The following ARHGAP24 variants were observed in gnomAD, a reference collection of about 807,000 sequenced individuals.
The protein encoded by ARHGAP24 is Rho GTPase activating protein 24, also known as rho GTPase-activating protein 24.
A neutral mutation model predicts 76.4 loss-of-function variants in ARHGAP24; 50 were observed. The ratio of observed to expected loss-of-function variants is 0.65; its 90% CI spans 0.52 to 0.83. The LOEUF (loss-of-function observed/expected upper bound fraction) is 0.83, where lower values mean the gene tolerates loss of function less well. Ranked by LOEUF, ARHGAP24 falls within the 40% of genes least tolerant of loss-of-function variation. The probability of loss-of-function intolerance (pLI) is 0.00; values close to 1 mark genes in which losing one functional copy is unlikely to be tolerated. For synonymous variants in ARHGAP24, 345 were observed against 323.3 expected (o/e 1.07, Z -0.72); for missense variants, 930 against 914.2 (o/e 1.02, Z -0.22).
intron 3 of ARHGAP24, among the ~76,000 whole-genome samples, chr4:85,890,529 C>T (rs1403197811): frequency 1.3e-5 from 2 of 152,196 alleles, no homozygotes; most frequent in Non-Finnish European, 2.9e-5. Flanking sequence ...TGGCTAGTAT[C>T]TTGAGGAAAA....
Position 85,570,517 on chromosome 4 carries a change from A to G in ARHGAP24, c.-20-5A>G. The G allele has an allele frequency of 6.2e-7, 1 of 1,612,618 alleles. No homozygotes were observed. The highest frequency in any genetic ancestry group is 8.5e-7 in the Non-Finnish European group (1 of 1,179,596). ...TATTTTCCTTTCTTTTTGTTTGCTA[A>G]CTAGGAAAGTCCATCAGCTTGATAA... On this transcript the variant is annotated splice_region_variant and splice_polypyrimidine_tract_variant and intron_variant, in intron 1 of 9. Transcript: ENST00000395184.
intron 1 of ARHGAP24, among the ~76,000 whole-genome samples, chr4:85,561,501 C>A (rs1455153397): frequency 1.0e-4 from 15 of 145,480 alleles, no homozygotes; most frequent in Non-Finnish European, 1.4e-4. Context: ...TGAGAAAACT[C>A]ATCTGTTTTC....
At chr4:85,903,128 G>A (rs560290724) in intron 3 of ARHGAP24, among the ~76,000 whole-genome samples, 190 of 152,288 alleles carry the variant, frequency 1.2e-3, no homozygotes, top group African/African-American at 4.2e-3. Flanking sequence ...AAGATCAAAA[G>A]CACTGTGTTG....
intron 8 of ARHGAP24, among the ~76,000 whole-genome samples, chr4:85,986,476 G>A (rs1740004399): frequency 6.6e-6 from 1 of 151,966 alleles, no homozygotes; most frequent in Non-Finnish European, 1.5e-5. Flanking sequence ...ACAAATGAGG[G>A]GAACCCAGTT....
intron 3 of ARHGAP24, among the ~76,000 whole-genome samples, chr4:85,735,462 A>T (rs1228175086): frequency 6.6e-6 from 1 of 152,116 alleles, no homozygotes; most frequent in African/African-American, 2.4e-5. Flanking sequence ...TCCATTGATT[A>T]CATTTTAATC....
intron 1 of ARHGAP24, among the ~76,000 whole-genome samples, chr4:85,549,632 G>T (rs1358306407): frequency 6.6e-6 from 1 of 152,062 alleles, no homozygotes; most frequent in Admixed American, 6.5e-5. Flanking sequence ...TCAGGTTCAT[G>T]TGTAAATGTG....
At chr4:85,594,109 A>G (rs1221196024) in intron 2 of ARHGAP24, among the ~76,000 whole-genome samples, 1 of 151,646 alleles carries the variant, frequency 6.6e-6, no homozygotes, top group Non-Finnish European at 1.5e-5. Flanking sequence ...TTTTTTTAAT[A>G]TCCTCTTTCA....
At chr4:85,492,828 A>G (rs1723412180) in intron 1 of ARHGAP24, among the ~76,000 whole-genome samples, 2 of 152,234 alleles carry the variant, frequency 1.3e-5, no homozygotes, top group South Asian at 2.1e-4. Flanking sequence ...CTGATAAAAT[A>G]CTATTAACTA....
chr4:85,503,204 T>C (rs1195963685), intron 1 of ARHGAP24, among the ~76,000 whole-genome samples: 3 of 152,222 alleles, frequency 2.0e-5, no homozygotes. Context: ...TCTGCCAGGC[T>C]TTCGTATCAG....
rs567225605 is a variant in ARHGAP24, at chr4:85,982,304, T to A, written c.928+4613T>A. Among the ~76,000 whole-genome samples the A allele has an allele frequency of 1.1e-3, 167 of 152,108 alleles. 1 individual carries two copies. Among genetic ancestry groups the A allele is most frequent in the Middle Eastern group, 0.01 (3 of 294 alleles). ...TGTGGATAAGAAACCTGATACCCAATGAGAAAAGTAAATTTCTCTAGGTAC... is the reference window on the plus strand; with the variant it reads ...TGTGGATAAGAAACCTGATACCCAAAGAGAAAAGTAAATTTCTCTAGGTAC... On this transcript the variant is annotated intron_variant, in intron 8 of 9. Transcript: ENST00000395184.
At chr4:85,931,107 T>A (rs1736307546) in intron 4 of ARHGAP24, 1 of 1,490,428 alleles carries the variant, frequency 6.7e-7, no homozygotes, top group Admixed American at 2.0e-5. Flanking sequence ...GGCTTTAAGG[T>A]CTGTTTATGC....
chr4:85,501,589 T>G (rs1723818952), intron 1 of ARHGAP24, among the ~76,000 whole-genome samples: 1 of 152,182 alleles, frequency 6.6e-6, no homozygotes, highest in South Asian at 2.1e-4. Context: ...TCTTGTGAAT[T>G]TGTTTAAGTT....
intron 3 of ARHGAP24, among the ~76,000 whole-genome samples, chr4:85,812,467 G>A (rs1729056472): frequency 6.6e-6 from 1 of 151,666 alleles, no homozygotes; most frequent in Non-Finnish European, 1.5e-5. Flanking sequence ...ACTACATTCA[G>A]AATCTAGATA....
At chr4:85,530,033 G>A (rs906746344) in intron 1 of ARHGAP24, among the ~76,000 whole-genome samples, 1 of 151,704 alleles carries the variant, frequency 6.6e-6, no homozygotes. Flanking sequence ...GGAGAAAATG[G>A]AGCTCACTCT....
chr4:85,627,369 C>A (rs574052003), intron 2 of ARHGAP24, among the ~76,000 whole-genome samples: 2 of 152,250 alleles, frequency 1.3e-5, no homozygotes, highest in Admixed American at 1.3e-4. Context: ...GTATCATTAG[C>A]GGTGGCTGCA....
chr4:85,478,411 A>C (rs1722686224), intron 1 of ARHGAP24, among the ~76,000 whole-genome samples: 1 of 152,218 alleles, frequency 6.6e-6, no homozygotes, highest in Non-Finnish European at 1.5e-5. Context: ...TGATGGCTTC[A>C]GCAGCTAAGT....
chr4:85,836,890 T>C (rs1218534189), intron 3 of ARHGAP24, among the ~76,000 whole-genome samples: 1 of 152,280 alleles, frequency 6.6e-6, no homozygotes, highest in Non-Finnish European at 1.5e-5. Context: ...TTAACCTAGA[T>C]CCCCAGATGT....
At chr4:85,492,732 G>C (rs1267427269) in intron 1 of ARHGAP24, among the ~76,000 whole-genome samples, 1 of 151,956 alleles carries the variant, frequency 6.6e-6, no homozygotes, top group Non-Finnish European at 1.5e-5. Context: ...AAAATAATTT[G>C]AAACATAAAA....
intron 5 of ARHGAP24, among the ~76,000 whole-genome samples, chr4:85,954,464 A>G (rs1303358699): frequency 6.6e-6 from 1 of 152,186 alleles, no homozygotes; most frequent in Non-Finnish European, 1.5e-5. Context: ...ACCTGTCCTG[A>G]TGCTACACCC....
Sources: gnomAD v4.1 joint callset for allele counts (sites outside exome capture counted in the v4.1 genomes callset) on GRCh38, gnomAD v4.1.1 for gene constraint, MANE v1.5 for transcripts, NCBI Gene and HGNC (gene_info 2026-07-23, HGNC 2026-07-21) for gene names.